GCSAM: variants seen among roughly 807,000 people sequenced by gnomAD.
The protein encoded by GCSAM is germinal center associated signaling and motility.
A neutral mutation model predicts 17.6 loss-of-function variants in GCSAM; 8 were observed. That is an observed-to-expected ratio of 0.46 (90% CI 0.27 to 0.82). The LOEUF (loss-of-function observed/expected upper bound fraction) is 0.82. Ranked by LOEUF, GCSAM falls within the 40% of genes least tolerant of loss-of-function variation. The probability of loss-of-function intolerance (pLI) is 0.15; values close to 1 mark genes in which losing one functional copy is unlikely to be tolerated. For synonymous variants in GCSAM, 68 were observed against 69.0 expected (o/e 0.98, Z 0.07); for missense variants, 192 against 213.5 (o/e 0.90, Z 0.63).
intron 2 of GCSAM, chr3:112,128,512 T>G (rs536534734): frequency 2.8e-4 from 88 of 310,820 alleles, no homozygotes; most frequent in African/African-American, 1.8e-3. Flanking sequence ...TTGTCTATAT[T>G]CTACACTAGA....
intron 5 of GCSAM, among the ~76,000 whole-genome samples, chr3:112,124,024 T>C (rs1345872825): frequency 1.3e-5 from 2 of 152,128 alleles, no homozygotes; most frequent in East Asian, 3.9e-4. Context: ...GACCACCTGA[T>C]ATAGTTTGGA....
chr3:112,130,335 CT>C, intron 2 of GCSAM, 109 bp downstream of exon 2: 1 of 834,700 alleles, frequency 1.2e-6, no homozygotes, highest in East Asian at 2.4e-5. Context: ...ATTGCAACTG[CT>C]ACTGGTCTAA....
chr3:112,130,439 T>C lies in GCSAM; in HGVS notation c.98+6A>G, dbSNP rs1425134221. The C allele has an allele frequency of 6.2e-7, 1 of 1,613,488 alleles. No homozygotes were observed. The highest frequency in any genetic ancestry group is 1.1e-5 in the South Asian group (1 of 91,058). On this transcript the variant is annotated splice_donor_region_variant and intron_variant, in intron 2 of 5. Transcript: ENST00000308910. ...CTGGGGGGTGTTTGGTTGATTTTGCTCTCACCTGGATGTTCTCTGTTTGGG... is the reference window on the plus strand; with the variant it reads ...CTGGGGGGTGTTTGGTTGATTTTGCCCTCACCTGGATGTTCTCTGTTTGGG...
At chr3:112,131,722 T>C (rs555443717) in intron 1 of GCSAM, among the ~76,000 whole-genome samples, 1 of 152,306 alleles carries the variant, frequency 6.6e-6, no homozygotes, top group Non-Finnish European at 1.5e-5. Context: ...ATATATTGAA[T>C]ATATGTTGCC....
chr3:112,124,906 G>A (rs1047053136), intron 5 of GCSAM, among the ~76,000 whole-genome samples: 4 of 152,186 alleles, frequency 2.6e-5, no homozygotes, highest in African/African-American at 9.7e-5. Context: ...ATCGGGGGAT[G>A]GGATGGATTA....
Position 112,133,181 on chromosome 3 carries a change from T to C in GCSAM, c.-61A>G. 1 of 1,564,712 alleles carries C rather than the reference T, an allele frequency of 6.4e-7. No homozygotes were observed. The highest frequency in any genetic ancestry group is 8.8e-7 in the Non-Finnish European group (1 of 1,135,184). ...TTACCACTTCCTTCTTGCCTTGTGC[T>C]CTGACAGGGCAACTCCTGACTTAAA... On this transcript the variant is annotated 5_prime_UTR_variant, in exon 1 of 6. Transcript: ENST00000308910.
At chr3:112,131,664 G>A (rs2074455148) in intron 1 of GCSAM, among the ~76,000 whole-genome samples, 1 of 152,230 alleles carries the variant, frequency 6.6e-6, no homozygotes, top group South Asian at 2.1e-4. Context: ...AAATAAAGAT[G>A]TTGGGCAAAC....
At chr3:112,124,940 C>T (rs2074279987) in intron 5 of GCSAM, among the ~76,000 whole-genome samples, 3 of 152,236 alleles carry the variant, frequency 2.0e-5, no homozygotes, top group South Asian at 2.1e-4. Context: ...CAAGGGTTGT[C>T]GTTTTAGCTA....
chr3:112,133,199 G>T lies in GCSAM; in HGVS notation c.-79C>A. On this transcript the variant is annotated 5_prime_UTR_variant, in exon 1 of 6. Transcript: ENST00000308910. ...CTTGTGCTCTGACAGGGCAACTCCTGACTTAAAGAAAGGGCTGTGTGGCTC... is the reference window on the plus strand; with the variant it reads ...CTTGTGCTCTGACAGGGCAACTCCTTACTTAAAGAAAGGGCTGTGTGGCTC... The T allele has an allele frequency of 6.6e-7, 1 of 1,513,978 alleles. No homozygotes were observed. Among genetic ancestry groups the T allele is most frequent in the South Asian group, 1.1e-5 (1 of 88,592 alleles). The allele number at this position is 1,513,978 out of a possible 1,614,324, so 93.8% of individuals were successfully genotyped here.
At chr3:112,124,635 A>G (rs2074269569) in intron 5 of GCSAM, among the ~76,000 whole-genome samples, 1 of 152,116 alleles carries the variant, frequency 6.6e-6, no homozygotes, top group African/African-American at 2.4e-5. Flanking sequence ...AAATATAAAT[A>G]ATCTTATGAT....
chr3:112,126,431 AACTTCAGTGCTATTC>A, intron 4 of GCSAM, among the ~76,000 whole-genome samples: 1 of 152,090 alleles, frequency 6.6e-6, no homozygotes, highest in Admixed American at 6.5e-5. Flanking sequence ...CTTTCTCCTT[AACTTCAGTGCTATTC>A]TATCACCAGA....
intron 1 of GCSAM, chr3:112,132,539 A>C: frequency 2.3e-6 from 1 of 431,006 alleles, no homozygotes; most frequent in Non-Finnish European, 3.1e-6. Flanking sequence ...TCTCTAAGGT[A>C]GATATTGTAT....
chr3:112,124,912 G>A (rs1361507773), intron 5 of GCSAM, among the ~76,000 whole-genome samples: 2 of 152,208 alleles, frequency 1.3e-5, no homozygotes, highest in Non-Finnish European at 2.9e-5. Context: ...GGATGGGATG[G>A]ATTATAGTAG....
intron 1 of GCSAM, among the ~76,000 whole-genome samples, chr3:112,132,010 A>C (rs367792296): frequency 1.3e-3 from 199 of 152,334 alleles, no homozygotes; most frequent in Admixed American, 2.4e-3. Context: ...GTGATATGCC[A>C]GAAACAATGC....
chr3:112,130,549 T>C (rs748755895), intron 1 of GCSAM, 36 bp from the exon 2 acceptor site: 78 of 1,559,150 alleles, frequency 5.0e-5, no homozygotes, highest in Middle Eastern at 1.7e-4. Context: ...GCTAAGTATT[T>C]CCTAAACAGG....
At chr3:112,125,487 C>T (rs377556427) in intron 4 of GCSAM, among the ~76,000 whole-genome samples, 21 of 152,256 alleles carry the variant, frequency 1.4e-4, no homozygotes, top group Middle Eastern at 6.8e-3. Context: ...TTTGGTTAGT[C>T]TTTGGAAAGG....
At chr3:112,130,702 C>T in intron 1 of GCSAM, 189 bp from the exon 2 acceptor site, 1 of 606,624 alleles carries the variant, frequency 1.6e-6, no homozygotes, top group Non-Finnish European at 3.0e-6. Context: ...CTGACATGCT[C>T]TCCATTGCCA....
At chr3:112,128,342 C>A in intron 2 of GCSAM, 1 of 590,580 alleles carries the variant, frequency 1.7e-6, no homozygotes, top group Non-Finnish European at 3.1e-6. Flanking sequence ...CCTTGGTTCC[C>A]TTGTAATGAA....
intron 5 of GCSAM, 65 bp downstream of exon 5, chr3:112,125,161 T>G: frequency 9.5e-7 from 1 of 1,047,356 alleles, no homozygotes; most frequent in South Asian, 1.3e-5. Flanking sequence ...CAACTTCTCC[T>G]GCCATTTAGG....
Sources: gnomAD v4.1 joint callset for allele counts (sites outside exome capture counted in the v4.1 genomes callset) on GRCh38, gnomAD v4.1.1 for gene constraint, MANE v1.5 for transcripts, NCBI Gene and HGNC (gene_info 2026-07-23, HGNC 2026-07-21) for gene names.